The following RAB3IL1 variants were observed in gnomAD, a reference collection of about 807,000 sequenced individuals.
The protein encoded by RAB3IL1 is RAB3A interacting protein like 1, also known as guanine nucleotide exchange factor for Rab-3A.
In RAB3IL1, 37 loss-of-function variants were observed where a neutral mutation model predicts 49.2. The ratio of observed to expected loss-of-function variants is 0.75; its 90% CI spans 0.58 to 0.99. The LOEUF (loss-of-function observed/expected upper bound fraction) is 0.99. Among genes scored for constraint, RAB3IL1 ranks in the 50% least tolerant of loss-of-function variants. RAB3IL1 has a pLI of 0.00. For synonymous variants in RAB3IL1, 193 were observed against 213.9 expected (o/e 0.90, Z 0.85); for missense variants, 484 against 513.0 (o/e 0.94, Z 0.55).
chr11:61,929,338 C>G, the RAB3IL1 span, among the ~76,000 whole-genome samples: 2 of 151,978 alleles, frequency 1.3e-5, no homozygotes, highest in African/African-American at 4.8e-5. Flanking sequence ...AACCCTGTCT[C>G]TGCTACAAAC....
the RAB3IL1 span, among the ~76,000 whole-genome samples, chr11:61,934,319 TACAC>T: frequency 1.7e-4 from 21 of 126,520 alleles, no homozygotes; most frequent in Admixed American, 3.3e-4. Flanking sequence ...TGAGTAAATA[TACAC>T]ACACACACAC....
intron 8 of RAB3IL1, among the ~76,000 whole-genome samples, chr11:61,901,590 G>A (rs1938918978): frequency 6.6e-6 from 1 of 152,216 alleles, no homozygotes; most frequent in Non-Finnish European, 1.5e-5. Flanking sequence ...CTGCATCTCA[G>A]CCGACTGGAG....
intron 7 of RAB3IL1, 98 bp from the exon 8 acceptor site, chr11:61,902,639 G>T: frequency 8.9e-7 from 1 of 1,124,206 alleles, no homozygotes; most frequent in East Asian, 2.6e-5. Flanking sequence ...GAGGATGCAT[G>T]GGGAGGGGCA....
intron 1 of RAB3IL1, among the ~76,000 whole-genome samples, chr11:61,909,395 CCT>C (rs377202371): frequency 3.0e-4 from 46 of 152,316 alleles, no homozygotes; most frequent in Non-Finnish European, 5.1e-4. Flanking sequence ...CCAAGCAGCC[CCT>C]GAGCCTCAGT....
chr11:61,917,286 G>T, intron 1 of RAB3IL1, 71 bp downstream of exon 1: 1 of 1,352,636 alleles, frequency 7.4e-7, no homozygotes, highest in African/African-American at 1.5e-5. Flanking sequence ...GGGGACCCCC[G>T]AAATCCTCCC....
the RAB3IL1 span, among the ~76,000 whole-genome samples, chr11:61,931,902 A>G: frequency 6.6e-6 from 1 of 152,202 alleles, no homozygotes; most frequent in South Asian, 2.1e-4. Flanking sequence ...AAAGATTAGA[A>G]AAGTAGAGAA....
rs1938694457 is a variant in RAB3IL1, at chr11:61,897,848, G to A, written c.*430C>T. 6.0e-6 allele frequency: 1 copy of A among 167,404 alleles called. No individual in the cohort carries two copies. The highest frequency in any genetic ancestry group is 1.8e-4 in the East Asian group (1 of 5,570). The allele number at this position is 167,404 out of a possible 1,614,324, so 10.4% of individuals were successfully genotyped here. ...TGCTGGCCCAGGGCTTGGCAGCTGG[G>A]GTGGAGGGTACCCTGGAGATCCAGC... On this transcript the variant is annotated 3_prime_UTR_variant, in exon 10 of 10. Coordinates refer to ENST00000394836, the MANE Select transcript of RAB3IL1 (RefSeq NM_013401.4).
At chr11:61,905,007 C>G in intron 5 of RAB3IL1, 125 bp from the exon 6 acceptor site, 1 of 713,866 alleles carries the variant, frequency 1.4e-6, no homozygotes, top group South Asian at 1.9e-5. Context: ...GCAGGTCGAT[C>G]CCCAGCAGCC....
chr11:61,934,446 GTATGTATATATATATATA>G, the RAB3IL1 span, among the ~76,000 whole-genome samples: 6 of 24,404 alleles, frequency 2.5e-4, no homozygotes, highest in African/African-American at 4.9e-4. Context: ...GTGTGTGTGT[GTATGTATATATATATATA>G]TATATATATA....
chr11:61,915,931 G>T (rs1269543721), intron 1 of RAB3IL1, among the ~76,000 whole-genome samples: 1 of 151,782 alleles, frequency 6.6e-6, no homozygotes, highest in African/African-American at 2.4e-5. Context: ...CCAGCTACTC[G>T]GGAAGCTAAG....
the RAB3IL1 span, among the ~76,000 whole-genome samples, chr11:61,942,573 A>G: frequency 6.6e-6 from 1 of 152,226 alleles, no homozygotes; most frequent in Non-Finnish European, 1.5e-5. Flanking sequence ...TGCACCTGGC[A>G]AATTATGACA....
At chr11:61,928,657 A>G in the RAB3IL1 span, among the ~76,000 whole-genome samples, 403 of 151,286 alleles carry the variant, frequency 2.7e-3, no homozygotes, top group Middle Eastern at 6.9e-3. Context: ...ATGAAGTGAG[A>G]ACCCTCAAAA....
rs541640733 is a variant in RAB3IL1, at chr11:61,907,821, A to G, written c.265-161T>C. On this transcript the variant is annotated intron_variant, in intron 2 of 9. Coordinates refer to ENST00000394836, the MANE Select transcript of RAB3IL1 (RefSeq NM_013401.4). ...ACAGTTTGTGATGCTTTTTCCGTTT[A>G]GCCACAGCATGAAGCTGAAGCCCTG... 3.0e-3 allele frequency among the ~76,000 whole-genome samples: 454 copies of G among 152,190 alleles called. 6 individuals are homozygous for G. Among genetic ancestry groups the G allele is most frequent in the African/African-American group, 0.01 (432 of 41,536 alleles).
At chr11:61,920,306 G>A (rs889845729), upstream of RAB3IL1, 5 of 1,216,482 alleles carry the variant, frequency 4.1e-6, no homozygotes, top group African/African-American at 7.8e-5. Context: ...TCTCCCCAGA[G>A]CAGCAGCCTG....
chr11:61,902,452 G>GA lies in RAB3IL1; in HGVS notation c.988dup (p.Ser330PhefsTer103), dbSNP rs773973219. Reference sequence around the variant, plus strand: ...CAAAGGCTGACTCACCCTGGCCCGGGAAGATGGCGAGATGTAGTAATGGCT... The same window carrying GA: ...CAAAGGCTGACTCACCCTGGCCCGGGAAAGATGGCGAGATGTAGTAATGGCT... On this transcript the variant is annotated frameshift_variant, in exon 8 of 10. Transcript: ENST00000394836. LOFTEE classifies it high-confidence loss of function. 1 of 1,593,162 alleles carries GA rather than the reference G, an allele frequency of 6.3e-7. No individual in the cohort carries two copies. The highest frequency in any genetic ancestry group is 1.2e-5 in the South Asian group (1 of 86,726).
chr11:61,930,002 C>T, the RAB3IL1 span, among the ~76,000 whole-genome samples: 2 of 149,886 alleles, frequency 1.3e-5, no homozygotes, highest in South Asian at 4.2e-4. Flanking sequence ...AAGTGATTCC[C>T]CTGCCTCGGC....
chr11:61,929,024 A>AT, the RAB3IL1 span, among the ~76,000 whole-genome samples: 1 of 152,196 alleles, frequency 6.6e-6, no homozygotes, highest in Non-Finnish European at 1.5e-5. Context: ...AAAAAAAATT[A>AT]TTTTTAATTA....
chr11:61,910,720 G>A (rs565590001), intron 1 of RAB3IL1, among the ~76,000 whole-genome samples: 3 of 152,286 alleles, frequency 2.0e-5, no homozygotes, highest in Middle Eastern at 3.4e-3. Flanking sequence ...AGACTTCCCC[G>A]AACAAGGGTA....
the RAB3IL1 span, among the ~76,000 whole-genome samples, chr11:61,932,529 C>T: frequency 6.6e-6 from 1 of 152,144 alleles, no homozygotes; most frequent in Non-Finnish European, 1.5e-5. Context: ...CTTTGCCTGA[C>T]AGTCACTCTT....
Sources: gnomAD v4.1 joint callset for allele counts (sites outside exome capture counted in the v4.1 genomes callset) on GRCh38, gnomAD v4.1.1 for gene constraint, MANE v1.5 for transcripts, NCBI Gene and HGNC (gene_info 2026-07-23, HGNC 2026-07-21) for gene names.